The following CLEC2A variants were observed in gnomAD, a reference collection of about 807,000 sequenced individuals.
CLEC2A encodes the protein C-type lectin domain family 2 member A, also known as keratinocyte-associated C-type lectin.
CLEC2A carries 19 observed loss-of-function variants against 18.6 expected under a neutral mutation model. The observed-to-expected ratio is 1.02, with a 90% CI of 0.71 to 1.50. CLEC2A has a LOEUF of 1.50. Ranked by LOEUF, CLEC2A falls within the 40% of genes most tolerant of loss-of-function variation. CLEC2A has a pLI of 0.00. For synonymous variants in CLEC2A, 74 were observed against 64.0 expected, an observed-to-expected ratio of 1.16 and a Z score of -0.75; for missense variants, 190 against 207.9, an observed-to-expected ratio of 0.91 and a Z score of 0.53.
downstream of CLEC2A, among the ~76,000 whole-genome samples, chr12:9,911,432 T>A (rs1862985463): frequency 6.6e-6 from 1 of 152,126 alleles, no homozygotes; most frequent in Non-Finnish European, 1.5e-5. Flanking sequence ...TGTGATTAGT[T>A]CCATATGTTG....
At chr12:9,907,968 A>T (rs1862928569) in intron 4 of CLEC2A, among the ~76,000 whole-genome samples, 2 of 152,186 alleles carry the variant, frequency 1.3e-5, no homozygotes, top group Non-Finnish European at 2.9e-5. Context: ...CATCTGGACT[A>T]ATTGGTTGAC....
rs990945330 is a variant in CLEC2A at position 9,932,281 on chromosome 12, G to A, written c.49C>T (p.Arg17Trp). 3.2e-6 allele frequency: 5 copies of A among 1,549,904 alleles called. No homozygotes were observed. The highest frequency in any genetic ancestry group is 2.7e-5 in the African/African-American group (2 of 72,926). The change falls in exon 1 of 5, where the codon CGG becomes TGG. Residue 17 changes from arginine to tryptophan, a missense_variant. Physicochemically the swap from Arg to Trp is moderately radical, Grantham distance 101. Transcript: ENST00000455827. ...RDGRADGFIHRIVPKLIQNWK... is the reference protein window; with the variant it reads ...RDGRADGFIHWIVPKLIQNWK... ...TTCACTCTATAAAACTTACCTATCCGATGTATGAAGCCATCAGCTCTGCCA... is the reference window on the plus strand; with the variant it reads ...TTCACTCTATAAAACTTACCTATCCAATGTATGAAGCCATCAGCTCTGCCA...
the CLEC2A span, chr12:9,888,828 G>A: frequency 1.7e-6 from 2 of 1,194,842 alleles, no homozygotes; most frequent in Middle Eastern, 1.9e-4. Context: ...GGTAAATTTA[G>A]TTTTGGCTTC....
chr12:9,879,784 A>C, the CLEC2A span, among the ~76,000 whole-genome samples: 1 of 152,206 alleles, frequency 6.6e-6, no homozygotes, highest in African/African-American at 2.4e-5. Flanking sequence ...ATCCAACTTG[A>C]CCACTTTGAC....
At chr12:9,877,847 G>A in the CLEC2A span, among the ~76,000 whole-genome samples, 8 of 152,184 alleles carry the variant, frequency 5.3e-5, 1 homozygote, top group South Asian at 6.2e-4. Flanking sequence ...ATCAATATAC[G>A]AATGAATATA....
intron 1 of CLEC2A, among the ~76,000 whole-genome samples, chr12:9,930,100 A>G (rs1565537003): frequency 6.6e-6 from 1 of 152,092 alleles, no homozygotes; most frequent in East Asian, 1.9e-4. Context: ...TGTTGGTCGG[A>G]TGGGTTCCTT....
intron 4 of CLEC2A, among the ~76,000 whole-genome samples, chr12:9,902,540 C>G (rs1034286234): frequency 1.3e-5 from 2 of 151,710 alleles, no homozygotes; most frequent in Admixed American, 1.3e-4. Context: ...GCTGGTTTGC[C>G]TTTTTAATGT....
downstream of CLEC2A, among the ~76,000 whole-genome samples, chr12:9,908,241 A>T (rs1386382570): frequency 6.6e-6 from 1 of 152,130 alleles, no homozygotes; most frequent in African/African-American, 2.4e-5. Context: ...ATCAGGATGG[A>T]TGTGTCTTTC....
At chr12:9,896,955 G>A (rs1862763622), downstream of CLEC2A, among the ~76,000 whole-genome samples, 1 of 151,592 alleles carries the variant, frequency 6.6e-6, no homozygotes, top group Non-Finnish European at 1.5e-5. Context: ...CGCCTCCCAG[G>A]TTTAAGTGAT....
At chr12:9,889,646 A>G in the CLEC2A span, among the ~76,000 whole-genome samples, 1,002 of 140,694 alleles carry the variant, frequency 7.1e-3, 13 homozygotes, top group African/African-American at 0.029. Flanking sequence ...GTGTATATAT[A>G]TGTGTGTGTG....
At chr12:9,893,642 C>A in the CLEC2A span, 1 of 456,252 alleles carries the variant, frequency 2.2e-6, no homozygotes, top group Non-Finnish European at 3.7e-6. Context: ...TCTCTGTTTT[C>A]CCTTATCTTT....
At chr12:9,930,048 T>C (rs1476955497) in intron 1 of CLEC2A, among the ~76,000 whole-genome samples, 3 of 152,198 alleles carry the variant, frequency 2.0e-5, no homozygotes, top group Non-Finnish European at 2.9e-5. Context: ...AACAGGAATG[T>C]ATTGTCGTAC....
At position 9,914,492 on chromosome 12, in the gene CLEC2A, C is replaced by T. The variant is rs543764799; in HGVS notation, c.411-812G>A. Among the ~76,000 whole-genome samples, 28 of 152,318 alleles carry T rather than the reference C, an allele frequency of 1.8e-4. No homozygotes were observed. In the East Asian group the frequency reaches 5.2e-3, roughly 28 times the overall value. ...TACAAGGCTACAGTAACCAAAACAG[C>T]ATGGTACTGGTACCAAAACAGACAT... On this transcript the variant is annotated intron_variant, in intron 4 of 4. Transcript: ENST00000455827.
chr12:9,902,578 C>T (rs1297603314), intron 4 of CLEC2A, among the ~76,000 whole-genome samples: 1 of 151,442 alleles, frequency 6.6e-6, no homozygotes, highest in African/African-American at 2.4e-5. Context: ...TGCCGGGCAA[C>T]CCGCTCGGGT....
At chr12:9,888,734 TA>T in the CLEC2A span, 45 of 1,486,972 alleles carry the variant, frequency 3.0e-5, no homozygotes, top group Middle Eastern at 3.4e-4. Flanking sequence ...TGAGTACAGA[TA>T]AAAAAATGGA....
At chr12:9,887,010 T>C in the CLEC2A span, among the ~76,000 whole-genome samples, 1 of 151,514 alleles carries the variant, frequency 6.6e-6, no homozygotes, top group South Asian at 2.1e-4. Flanking sequence ...GAGCAAAATG[T>C]CAGAAAAAAA....
At chr12:9,921,950 A>C (rs1863179780) in intron 3 of CLEC2A, 116 bp downstream of exon 3, 3 of 876,840 alleles carry the variant, frequency 3.4e-6, no homozygotes, top group Admixed American at 6.7e-5. Context: ...GAACCCACAC[A>C]GTTCAAACCC....
At chr12:9,891,090 G>A in the CLEC2A span, among the ~76,000 whole-genome samples, 2 of 149,492 alleles carry the variant, frequency 1.3e-5, no homozygotes, top group African/African-American at 4.9e-5. Context: ...GGTAGGTCAT[G>A]GTTGGGCACA....
At position 9,931,585 on chromosome 12, in the gene CLEC2A, A is replaced by G. The variant is rs11053517; in HGVS notation, c.55+690T>C. Among the ~76,000 whole-genome samples the G allele has an allele frequency of 3.8e-3, 574 of 152,306 alleles. 5 individuals carry two copies. The highest frequency in any genetic ancestry group is 0.013 in the African/African-American group (540 of 41,582). ...AAGAGTATCAGGCTTACTTATTATTAAAAGAATTATCCCAATTGCCCTGGG... is the reference window on the plus strand; with the variant it reads ...AAGAGTATCAGGCTTACTTATTATTGAAAGAATTATCCCAATTGCCCTGGG... On this transcript the variant is annotated intron_variant, in intron 1 of 4. Transcript: ENST00000455827.
Sources: allele counts gnomAD v4.1 joint callset (sites outside exome capture counted in the v4.1 genomes callset), GRCh38; gene constraint gnomAD v4.1.1; transcripts MANE v1.5; gene names NCBI Gene and HGNC (gene_info 2026-07-23, HGNC 2026-07-21).